Variants in CHRNA5 observed in about 807,000 individuals in gnomAD.
The protein encoded by CHRNA5 is cholinergic receptor nicotinic alpha 5 subunit.
CHRNA5 carries 28 observed loss-of-function variants against 41.2 expected under a neutral mutation model. The ratio of observed to expected loss-of-function variants is 0.68; its 90% CI spans 0.50 to 0.93. The LOEUF (loss-of-function observed/expected upper bound fraction) is 0.93, where lower values mean the gene tolerates loss of function less well. Ranked by LOEUF, CHRNA5 falls within the 40% of genes least tolerant of loss-of-function variation. CHRNA5 has a pLI of 0.00. For missense variants in CHRNA5, 481 were observed against 581.9 expected (o/e 0.83, Z 1.78); for synonymous variants, 188 against 205.8 (o/e 0.91, Z 0.74).
At chr15:78,579,237 ATTTGTTTGTTTG>A (rs66694705) in intron 1 of CHRNA5, among the ~76,000 whole-genome samples, 144 of 150,196 alleles carry the variant, frequency 9.6e-4, no homozygotes, top group African/African-American at 2.6e-3. Flanking sequence ...TTTATTTATT[ATTTGTTTGTTTG>A]TTTGTTTGTT....
At chr15:78,587,959 T>C (rs888838130) in intron 3 of CHRNA5, among the ~76,000 whole-genome samples, 12 of 152,162 alleles carry the variant, frequency 7.9e-5, no homozygotes, top group African/African-American at 2.9e-4. Context: ...AACAGCCAAA[T>C]TGGGTGACAA....
chr15:78,588,843 A>G lies in CHRNA5; in HGVS notation c.413+420A>G, dbSNP rs2052984642. Among the ~76,000 whole-genome samples the G allele has an allele frequency of 6.7e-6, 1 of 150,126 alleles. No individual in the cohort carries two copies. The highest frequency in any genetic ancestry group is 1.5e-5 in the Non-Finnish European group (1 of 67,768). ...AATGAGGAATGCTGGGTTAATTATC[A>G]ATTCATCTTTAGAGGCATCCTACCT... On this transcript the variant is annotated intron_variant, in intron 4 of 5. Coordinates refer to ENST00000299565, the Ensembl canonical transcript of CHRNA5. The surrounding 1 kb of genome is among the most constrained non-coding windows in gnomAD (Gnocchi z 4.1).
At chr15:78,585,473 T>C (rs2141416023) in intron 2 of CHRNA5, among the ~76,000 whole-genome samples, 1 of 152,306 alleles carries the variant, frequency 6.6e-6, no homozygotes, top group Admixed American at 6.5e-5. Flanking sequence ...TCTCCCCAGT[T>C]TCCTCATACT....
At position 78,590,526 on chromosome 15, in the gene CHRNA5, GA is replaced by G; in HGVS notation, c.1138del (p.Thr380LeufsTer29). 6.2e-7 allele frequency: 1 copy of G among 1,614,192 alleles called. No individual in the cohort carries two copies. Among genetic ancestry groups the G allele is most frequent in the East Asian group, 2.2e-5 (1 of 44,884 alleles). On this transcript the variant is annotated frameshift_variant, in exon 5 of 6. Coordinates refer to ENST00000299565, the Ensembl canonical transcript of CHRNA5. LOFTEE classifies it high-confidence loss of function. The stretch of plus-strand genomic sequence containing the variant: ...AGACAGGTACTTCACTCAGAAAGAG[GA>G]AACTGAGAGTGGTAGTGGACCAAAA...
chr15:78,580,950 A>G lies in CHRNA5; in HGVS notation c.246A>G (p.Gln82=), dbSNP rs773931755. 56 of 1,613,294 alleles carry G rather than the reference A, an allele frequency of 3.5e-5. No homozygotes were observed. The highest frequency in any genetic ancestry group is 3.9e-5 in the Non-Finnish European group (46 of 1,179,942). The change falls in exon 2 of 6, where the codon CAA becomes CAG. Residue 82 remains glutamine, a synonymous_variant. Coordinates refer to ENST00000299565, the Ensembl canonical transcript of CHRNA5. Reference sequence around the variant, plus strand: ...TAAAATTTGGACTTGCAATATCTCAATTGGTGGATGTGGTAGGTGTGCATA... The same window carrying G: ...TAAAATTTGGACTTGCAATATCTCAGTTGGTGGATGTGGTAGGTGTGCATA...
intron 1 of CHRNA5, among the ~76,000 whole-genome samples, chr15:78,574,668 T>C (rs1017661540): frequency 6.6e-6 from 1 of 152,096 alleles, no homozygotes; most frequent in Non-Finnish European, 1.5e-5. Context: ...CTAACAGATA[T>C]CCTTATTTTA....
intron 1 of CHRNA5, among the ~76,000 whole-genome samples, chr15:78,570,539 G>A (rs530436371): frequency 6.7e-6 from 1 of 150,164 alleles, no homozygotes; most frequent in African/African-American, 2.5e-5. Context: ...CAAAGTGCTG[G>A]GATTACAGGT....
At chr15:78,568,915 A>G (rs939814749) in intron 1 of CHRNA5, among the ~76,000 whole-genome samples, 16 of 152,196 alleles carry the variant, frequency 1.1e-4, no homozygotes, top group African/African-American at 3.6e-4. Flanking sequence ...AAATGAAATA[A>G]TTCATAGAAA....
intron 1 of CHRNA5, among the ~76,000 whole-genome samples, chr15:78,573,963 A>ATTTTT (rs979485573): frequency 7.2e-4 from 73 of 102,056 alleles, no homozygotes; most frequent in African/African-American, 1.3e-3. Flanking sequence ...CGCCTGGCTA[A>ATTTTT]TTTTTTTTTT....
At chr15:78,585,336 C>A (rs1157332957) in intron 2 of CHRNA5, among the ~76,000 whole-genome samples, 1 of 152,152 alleles carries the variant, frequency 6.6e-6, no homozygotes, top group East Asian at 1.9e-4. Flanking sequence ...TGCCTGCATC[C>A]TCAGGGGTAT....
Position 78,570,424 on chromosome 15 carries a change from A to ATTTTTT in CHRNA5, c.106+4619_106+4624dup, listed in dbSNP as rs71148540. The stretch of plus-strand genomic sequence containing the variant: ...CAGGCATGTGCCACCAATCCCGGCT[A>ATTTTTT]TTTTTTTTTTTTTTTTTTTTTTTTT... On this transcript the variant is annotated intron_variant, in intron 1 of 5. Transcript: ENST00000299565. Among the ~76,000 whole-genome samples the ATTTTTT allele has an allele frequency of 2.2e-3, 144 of 64,164 alleles. 22 individuals carry two copies. Among genetic ancestry groups the ATTTTTT allele is most frequent in the African/African-American group, 8.3e-3 (123 of 14,824 alleles). 42.1% of individuals were successfully genotyped at this position (64,164 alleles called of 152,430 possible).
intron 1 of CHRNA5, among the ~76,000 whole-genome samples, chr15:78,576,038 C>G (rs553216889): frequency 2.0e-5 from 3 of 152,186 alleles, no homozygotes; most frequent in African/African-American, 7.2e-5. Flanking sequence ...ATTTTAGATA[C>G]AAGTCCCCTA....
chr15:78,569,626 G>A (rs569815822), intron 1 of CHRNA5, among the ~76,000 whole-genome samples: 1 of 151,546 alleles, frequency 6.6e-6, no homozygotes, highest in African/African-American at 2.4e-5. Flanking sequence ...GTAGAGACGG[G>A]GTTTCACCAT....
exon 5 of CHRNA5, chr15:78,590,143 T>C (rs767124667): frequency 6.8e-6 from 11 of 1,614,210 alleles, no homozygotes; most frequent in Non-Finnish European, 9.3e-6. Flanking sequence ...CGCCTGCCTC[T>C]CTTTTATACC....
At chr15:78,590,821 G>A in intron 5 of CHRNA5, 185 bp downstream of exon 5, 1 of 565,852 alleles carries the variant, frequency 1.8e-6, no homozygotes, top group Non-Finnish European at 3.1e-6. Flanking sequence ...TAAAGCACCT[G>A]CAAAATGGGG....
intron 1 of CHRNA5, among the ~76,000 whole-genome samples, chr15:78,572,406 C>G (rs1400505551): frequency 5.9e-5 from 9 of 152,322 alleles, no homozygotes; most frequent in Non-Finnish European, 1.0e-4. Context: ...ATAATGATCA[C>G]TTTGCAGCTT....
exon 1 of CHRNA5, chr15:78,565,707 C>T (rs2141390905): frequency 8.9e-7 from 1 of 1,122,778 alleles, no homozygotes; most frequent in African/African-American, 1.6e-5. Flanking sequence ...CGGTCCCGCG[C>T]GGGCGCGGGG....
chr15:78,575,033 A>G (rs2052844563), intron 1 of CHRNA5, among the ~76,000 whole-genome samples: 1 of 151,568 alleles, frequency 6.6e-6, no homozygotes, highest in Admixed American at 6.6e-5. Context: ...TTAACAGCTT[A>G]TTAGTGGTGC....
intron 1 of CHRNA5, among the ~76,000 whole-genome samples, chr15:78,568,797 G>A (rs2052772854): frequency 6.6e-6 from 1 of 152,114 alleles, no homozygotes; most frequent in Non-Finnish European, 1.5e-5. Context: ...CCATGTCCCT[G>A]CAAAGGACAT....
Sources: gnomAD v4.1 joint callset for allele counts (sites outside exome capture counted in the v4.1 genomes callset) on GRCh38, gnomAD v4.1.1 for gene constraint, Gnocchi (gnomAD v3.1) non-coding constraint, MANE v1.5 for transcripts, NCBI Gene and HGNC (gene_info 2026-07-23, HGNC 2026-07-21) for gene names.